GALNS: variants seen among roughly 807,000 people sequenced by gnomAD.
The protein encoded by GALNS is galactosamine (N-acetyl)-6-sulfatase.
GALNS carries 65 observed loss-of-function variants against 65.9 expected under a neutral mutation model. The observed-to-expected ratio is 0.99, with a 90% confidence interval of 0.81 to 1.21. The LOEUF (loss-of-function observed/expected upper bound fraction) is 1.21, where lower values mean the gene tolerates loss of function less well. Among genes scored for constraint, GALNS ranks in the 50% most tolerant of loss-of-function variants. The pLI is 0.00. For synonymous variants in GALNS, 346 were observed against 288.9 expected, an observed-to-expected ratio of 1.20 and a Z score of -2.00; for missense variants, 776 against 700.7, an observed-to-expected ratio of 1.11 and a Z score of -1.21.
chr16:88,851,048 G>A (rs1967485729), intron 1 of GALNS, among the ~76,000 whole-genome samples: 1 of 147,508 alleles, frequency 6.8e-6, no homozygotes, highest in African/African-American at 2.4e-5. Context: ...GTCCCAGGCT[G>A]CTGGGCCAGC....
At chr16:88,840,766 A>G in intron 4 of GALNS, 1 of 580,340 alleles carries the variant, frequency 1.7e-6, no homozygotes, top group Non-Finnish European at 3.1e-6. Context: ...CTGATGCCGC[A>G]GGATACTCGC....
chr16:88,856,517 C>A, intron 1 of GALNS: 1 of 697,898 alleles, frequency 1.4e-6, no homozygotes, highest in Non-Finnish European at 2.6e-6. Context: ...CGGTGACCGC[C>A]GAGACCCCAC....
At chr16:88,850,367 C>T (rs1378385835) in intron 1 of GALNS, among the ~76,000 whole-genome samples, 2 of 152,176 alleles carry the variant, frequency 1.3e-5, no homozygotes, top group African/African-American at 4.8e-5. Flanking sequence ...AGCAGAGCTG[C>T]GTCCGGATCT....
At chr16:88,821,376 G>T (rs1037879111) in intron 12 of GALNS, among the ~76,000 whole-genome samples, 1 of 152,154 alleles carries the variant, frequency 6.6e-6, no homozygotes, top group African/African-American at 2.4e-5. Context: ...TGGACCCAGC[G>T]CCACCCGTGC....
chr16:88,850,038 G>T (rs79419752), intron 1 of GALNS, among the ~76,000 whole-genome samples: 1 of 152,090 alleles, frequency 6.6e-6, no homozygotes, highest in African/African-American at 2.4e-5. Flanking sequence ...GGCCACACAC[G>T]CCCAAAGCTC....
Position 88,842,767 on chromosome 16 carries a change from C to G in GALNS, c.183G>C (p.Arg61=). ...GGAAAAGCAGCCCTTCTGCAGCCAT[C>G]CGGTCCAAATTCGGGGTCTCTCTGG... ...EPSRETPNLD[R]MAAEGLLFPN... The change falls in exon 2 of 14, where the codon CGG becomes CGC. Residue 61 remains arginine, a synonymous_variant. Coordinates refer to ENST00000268695, the MANE Select transcript of GALNS (RefSeq NM_000512.5). 1 of 1,613,080 alleles carries G rather than the reference C, an allele frequency of 6.2e-7. No individual in the cohort carries two copies. The highest frequency in any genetic ancestry group is 8.5e-7 in the Non-Finnish European group (1 of 1,179,786).
chr16:88,834,091 C>T (rs1249647083), intron 8 of GALNS, among the ~76,000 whole-genome samples: 6 of 152,144 alleles, frequency 3.9e-5, no homozygotes, highest in South Asian at 2.1e-4. Flanking sequence ...GGCCTCGACT[C>T]GTGGGTCTGA....
chr16:88,824,908 G>T, intron 10 of GALNS, 39 bp from the exon 11 acceptor site: 2 of 1,565,692 alleles, frequency 1.3e-6, no homozygotes, highest in Non-Finnish European at 8.8e-7. Flanking sequence ...ATGACAGGAA[G>T]GACACGCTGG....
chr16:88,856,306 G>A (rs1034617434), intron 1 of GALNS: 3 of 702,852 alleles, frequency 4.3e-6, no homozygotes, highest in Admixed American at 4.0e-5. Context: ...TGATTCCTAG[G>A]GCGACGCAGC....
chr16:88,853,832 G>A (rs1461217288), intron 1 of GALNS, among the ~76,000 whole-genome samples: 2 of 152,126 alleles, frequency 1.3e-5, no homozygotes, highest in South Asian at 2.1e-4. Flanking sequence ...GTCCTTGCCC[G>A]GCTCAGCTCC....
At chr16:88,828,849 G>C (rs1281479652) in intron 9 of GALNS, among the ~76,000 whole-genome samples, 1 of 152,188 alleles carries the variant, frequency 6.6e-6, no homozygotes, top group Non-Finnish European at 1.5e-5. Flanking sequence ...GCACAGCCAC[G>C]GGTGGCTCCC....
chr16:88,816,801 C>G (rs1909674409), intron 13 of GALNS: 1 of 985,368 alleles, frequency 1.0e-6, no homozygotes, highest in Admixed American at 6.1e-5. Flanking sequence ...TCAGCTGGGC[C>G]TTTTCGCCCG....
At chr16:88,841,757 C>T (rs2143004991) in intron 3 of GALNS, 140 bp downstream of exon 3, 1 of 776,814 alleles carries the variant, frequency 1.3e-6, no homozygotes, top group East Asian at 2.7e-5. Context: ...TGCACTTCCA[C>T]CTAAGTCCCA....
intron 8 of GALNS, among the ~76,000 whole-genome samples, chr16:88,833,796 G>T (rs1051776730): frequency 6.6e-6 from 1 of 152,210 alleles, no homozygotes; most frequent in Non-Finnish European, 1.5e-5. Context: ...CTAGTCTTGT[G>T]CTGGGTGCTG....
At position 88,832,152 on chromosome 16, in the gene GALNS, C is replaced by T. The variant is rs543412150; in HGVS notation, c.899-51G>A. On this transcript the variant is annotated intron_variant, in intron 8 of 13. Coordinates refer to ENST00000268695, the MANE Select transcript of GALNS (RefSeq NM_000512.5). ...CCACTGGGACCAGATGTCCCCAGGC[C>T]CTCCCCCTCCCTCCCCACTGAGTCA... The T allele has an allele frequency of 3.6e-5, 51 of 1,426,014 alleles. No homozygotes were observed. In the East Asian group the frequency reaches 1.1e-3, roughly 32 times the overall value. The allele number at this position is 1,426,014 out of a possible 1,614,324, so 88.3% of individuals were successfully genotyped here. A position where few individuals can be genotyped will look rare whatever the true frequency, so the allele number is the denominator to read the frequency against.
chr16:88,834,465 C>CG (rs1479516068), intron 8 of GALNS, among the ~76,000 whole-genome samples: 3 of 94,008 alleles, frequency 3.2e-5, no homozygotes, highest in Admixed American at 1.1e-4. Context: ...TAGGGCCCCC[C>CG]CCGTGTGGTC....
intron 1 of GALNS, chr16:88,855,602 G>A (rs1410737216): frequency 1.5e-6 from 1 of 646,130 alleles, no homozygotes; most frequent in Non-Finnish European, 2.8e-6. Flanking sequence ...GGGAAATTAT[G>A]GGTGGTGTCT....
chr16:88,837,524 G>A (rs1363196762), intron 5 of GALNS, 98 bp downstream of exon 5: 27 of 1,274,942 alleles, frequency 2.1e-5, no homozygotes, highest in African/African-American at 4.4e-5. Flanking sequence ...CAGCCCTCAT[G>A]AGTGGCGACT....
At chr16:88,834,001 C>T (rs570920632) in intron 8 of GALNS, among the ~76,000 whole-genome samples, 23 of 151,800 alleles carry the variant, frequency 1.5e-4, no homozygotes, top group African/African-American at 5.3e-4. Flanking sequence ...TGGGGAATGA[C>T]GGCCAACACC....
Sources: gnomAD v4.1 joint callset for allele counts (sites outside exome capture counted in the v4.1 genomes callset) on GRCh38, gnomAD v4.1.1 for gene constraint, MANE v1.5 for transcripts, NCBI Gene and HGNC (gene_info 2026-07-23, HGNC 2026-07-21) for gene names.